RBFOX1: variants seen among roughly 807,000 people sequenced by gnomAD.
The protein encoded by RBFOX1 is RNA binding protein fox-1 homolog 1.
RBFOX1 carries 8 observed loss-of-function variants against 57.7 expected under a neutral mutation model. The observed-to-expected ratio is 0.14, with a 90% CI of 0.08 to 0.25. RBFOX1 has a LOEUF of 0.25. Ranked by LOEUF, RBFOX1 falls within the 10% of genes least tolerant of loss-of-function variation. RBFOX1 has a pLI of 1.00. For synonymous variants in RBFOX1, 326 were observed against 222.4 expected, an observed-to-expected ratio of 1.47 and a Z score of -4.15; for missense variants, 611 against 548.5, an observed-to-expected ratio of 1.11 and a Z score of -1.14.
At chr16:6,787,155 A>G (rs912581513) in intron 3 of RBFOX1, among the ~76,000 whole-genome samples, 4 of 152,202 alleles carry the variant, frequency 2.6e-5, no homozygotes, top group African/African-American at 9.6e-5. Context: ...AACGTTGATG[A>G]AACATTTATC....
Position 6,235,627 on chromosome 16 carries a change from TAC to T in RBFOX1, c.-126-81367_-126-81366del, listed in dbSNP as rs1457237773. ...GATGGGATATTTATACATATATATATACTTACATATATATATACACATATGTA... is the reference window on the plus strand; with the variant it reads ...GATGGGATATTTATACATATATATATTTACATATATATATACACATATGTA... On this transcript the variant is annotated intron_variant, in intron 1 of 15. Coordinates refer to ENST00000550418, the MANE Select transcript of RBFOX1 (RefSeq NM_018723.4). 1.6e-4 allele frequency among the ~76,000 whole-genome samples: 24 copies of T among 151,710 alleles called. No individual in the cohort carries two copies. The East Asian group carries it at 3.3e-3, about 21-fold the overall frequency.
chr16:7,085,447 A>G (rs965031631), intron 4 of RBFOX1, among the ~76,000 whole-genome samples: 4 of 152,152 alleles, frequency 2.6e-5, no homozygotes, highest in African/African-American at 4.8e-5. Context: ...GTATCGATAT[A>G]TTGGCCAAAT....
chr16:6,899,040 G>A (rs745472539), intron 3 of RBFOX1, among the ~76,000 whole-genome samples: 4 of 151,454 alleles, frequency 2.6e-5, no homozygotes, highest in Non-Finnish European at 4.4e-5. Context: ...TATAATGTGT[G>A]TATGCATGTG....
intron 4 of RBFOX1, among the ~76,000 whole-genome samples, chr16:7,192,820 A>G (rs2085756218): frequency 6.6e-6 from 1 of 152,212 alleles, no homozygotes; most frequent in East Asian, 1.9e-4. Flanking sequence ...AAAAAGTAAA[A>G]TTGGAACATA....
chr16:6,018,915 G>A (rs971650389), upstream of RBFOX1, among the ~76,000 whole-genome samples: 1 of 151,944 alleles, frequency 6.6e-6, no homozygotes, highest in African/African-American at 2.4e-5. Context: ...CCAGGGTACC[G>A]GGTCGCGTGT....
At chr16:5,664,179 T>C (rs1326209695) in intron 3 of RBFOX1, among the ~76,000 whole-genome samples, 11 of 152,198 alleles carry the variant, frequency 7.2e-5, no homozygotes, top group Non-Finnish European at 1.6e-4. Flanking sequence ...AATAATCACA[T>C]CTTTAAGGAA....
chr16:5,837,043 C>T (rs564909162), intron 3 of RBFOX1, among the ~76,000 whole-genome samples: 11 of 152,216 alleles, frequency 7.2e-5, no homozygotes, highest in Admixed American at 3.3e-4. Context: ...CAGAAGTACC[C>T]GTATTCCCTG....
At chr16:5,980,212 A>T (rs1202223594) in intron 4 of RBFOX1, among the ~76,000 whole-genome samples, 3 of 152,196 alleles carry the variant, frequency 2.0e-5, no homozygotes, top group Non-Finnish European at 4.4e-5. Context: ...AATGTCTCCT[A>T]CCACTGTTTG....
At chr16:7,692,078 T>TAACA (rs1168906067) in intron 14 of RBFOX1, among the ~76,000 whole-genome samples, 1 of 152,148 alleles carries the variant, frequency 6.6e-6, no homozygotes, top group East Asian at 1.9e-4. Flanking sequence ...ATTGCTCCTC[T>TAACA]AACATAGGGA....
intron 1 of RBFOX1, among the ~76,000 whole-genome samples, chr16:5,405,067 G>A (rs1175690258): frequency 1.3e-5 from 2 of 152,166 alleles, no homozygotes; most frequent in East Asian, 1.9e-4. Flanking sequence ...TGGAATCTGT[G>A]CAAAGAGAGG....
At chr16:7,244,608 A>G (rs2094213520) in intron 4 of RBFOX1, among the ~76,000 whole-genome samples, 1 of 152,230 alleles carries the variant, frequency 6.6e-6, no homozygotes, top group Admixed American at 6.5e-5. Context: ...GGGTTGGCCT[A>G]GGGCTCGAGT....
chr16:5,697,974 T>C (rs2050902251), intron 3 of RBFOX1, among the ~76,000 whole-genome samples: 3 of 152,238 alleles, frequency 2.0e-5, no homozygotes, highest in Non-Finnish European at 4.4e-5. Context: ...ATGAAATGCC[T>C]GGTCTTCATA....
chr16:6,172,490 G>T (rs967879099), intron 1 of RBFOX1, among the ~76,000 whole-genome samples: 1 of 152,114 alleles, frequency 6.6e-6, no homozygotes, highest in Non-Finnish European at 1.5e-5. Context: ...AATTGCCCCT[G>T]TGGCCCCCTG....
intron 3 of RBFOX1, among the ~76,000 whole-genome samples, chr16:5,857,029 T>A (rs987120556): frequency 6.6e-6 from 1 of 152,184 alleles, no homozygotes; most frequent in African/African-American, 2.4e-5. Flanking sequence ...GACATGCTTT[T>A]CTCACAAAGT....
intron 12 of RBFOX1, among the ~76,000 whole-genome samples, chr16:7,656,590 G>C (rs547574330): frequency 6.6e-6 from 1 of 152,202 alleles, no homozygotes; most frequent in Non-Finnish European, 1.5e-5. Context: ...CAGATTTCCT[G>C]TAGCCTTTTA....
intron 4 of RBFOX1, among the ~76,000 whole-genome samples, chr16:7,389,311 A>C (rs1395968240): frequency 6.6e-6 from 1 of 152,074 alleles, no homozygotes; most frequent in South Asian, 2.1e-4. Context: ...TTTTTGGTAG[A>C]GACGAGGTCT....
At chr16:6,918,928 G>A (rs539958043) in intron 3 of RBFOX1, among the ~76,000 whole-genome samples, 3 of 152,050 alleles carry the variant, frequency 2.0e-5, no homozygotes, top group Admixed American at 6.6e-5. Flanking sequence ...ATCTAGTTAC[G>A]CAGGGTCCTA....
At chr16:6,238,436 G>A (rs1227323231) in intron 1 of RBFOX1, among the ~76,000 whole-genome samples, 1 of 152,126 alleles carries the variant, frequency 6.6e-6, no homozygotes, top group Non-Finnish European at 1.5e-5. Context: ...CTCCTCGTAG[G>A]ATGCCTCCTG....
intron 4 of RBFOX1, among the ~76,000 whole-genome samples, chr16:7,061,088 C>T (rs557984998): frequency 3.9e-5 from 6 of 152,058 alleles, no homozygotes; most frequent in Admixed American, 3.3e-4. Context: ...AGTTTGCTTG[C>T]TTTAATCTTA....
Sources: allele counts gnomAD v4.1 joint callset (sites outside exome capture counted in the v4.1 genomes callset), GRCh38; gene constraint gnomAD v4.1.1; transcripts MANE v1.5; gene names NCBI Gene and HGNC (gene_info 2026-07-23, HGNC 2026-07-21).